Variants in AFAP1 observed in about 807,000 individuals in gnomAD.
The protein encoded by AFAP1 is actin filament associated protein 1.
A neutral mutation model predicts 93.9 loss-of-function variants in AFAP1; 75 were observed. That is an observed-to-expected ratio of 0.80 (90% CI 0.66 to 0.97). The LOEUF is 0.97. Among genes scored for constraint, AFAP1 ranks in the 50% least tolerant of loss-of-function variants. AFAP1 has a pLI of 0.00. For synonymous variants in AFAP1, 517 were observed against 430.7 expected (o/e 1.20, Z -2.48); for missense variants, 1,201 against 1,050.8 (o/e 1.14, Z -1.98).
rs1342965714 is a variant in AFAP1 at position 7,939,046 on chromosome 4, G to A, written c.-3+610C>T. ...GGACCCCCATTACACTCGCGTCCCAGGCGGGGTCGACCCAGACGAGCCACG... is the reference window on the plus strand; with the variant it reads ...GGACCCCCATTACACTCGCGTCCCAAGCGGGGTCGACCCAGACGAGCCACG... On this transcript the variant is annotated intron_variant, in intron 1 of 17. Transcript: ENST00000420658. The surrounding 1 kb of genome is among the most constrained non-coding windows in gnomAD (Gnocchi z 5.6). The A allele has an allele frequency of 6.4e-6, 1 of 155,108 alleles. No individual in the cohort carries two copies. The highest frequency in any genetic ancestry group is 2.4e-5 in the African/African-American group (1 of 41,434). The allele number at this position is 155,108 out of a possible 1,614,324, so 9.6% of individuals were successfully genotyped here.
intron 3 of AFAP1, among the ~76,000 whole-genome samples, chr4:7,858,239 G>T (rs1255501330): frequency 6.6e-6 from 1 of 152,174 alleles, no homozygotes; most frequent in Non-Finnish European, 1.5e-5. Flanking sequence ...GAGGCAGAAG[G>T]TCATTCACCA....
At chr4:7,833,691 CA>C (rs1460697854) in intron 6 of AFAP1, among the ~76,000 whole-genome samples, 1 of 150,364 alleles carries the variant, frequency 6.7e-6, no homozygotes, top group African/African-American at 2.5e-5. Context: ...CAGGTTCAAG[CA>C]ATTCTCCTGC....
intron 1 of AFAP1, among the ~76,000 whole-genome samples, chr4:7,891,917 G>A (rs1577338970): frequency 1.3e-5 from 2 of 152,138 alleles, no homozygotes; most frequent in African/African-American, 4.8e-5. Context: ...AGCTGGGTGT[G>A]GTGGTAGGCA....
At chr4:7,872,466 G>C (rs1006508591) in intron 1 of AFAP1, among the ~76,000 whole-genome samples, 1 of 152,254 alleles carries the variant, frequency 6.6e-6, no homozygotes, top group Non-Finnish European at 1.5e-5. Context: ...GTAGGGCATG[G>C]TTTCAGAAAC....
At chr4:7,920,259 C>T (rs1180519143) in intron 1 of AFAP1, among the ~76,000 whole-genome samples, 1 of 152,180 alleles carries the variant, frequency 6.6e-6, no homozygotes, top group Admixed American at 6.5e-5. Context: ...TTCCCACCAA[C>T]AGTATTTGAA....
chr4:7,872,643 G>C (rs946806817), intron 1 of AFAP1, among the ~76,000 whole-genome samples: 1 of 152,140 alleles, frequency 6.6e-6, no homozygotes, highest in South Asian at 2.1e-4. Context: ...TGGTAGACTT[G>C]ACTTTTCCTC....
At chr4:7,890,147 C>A (rs1282589065) in intron 1 of AFAP1, among the ~76,000 whole-genome samples, 1 of 151,966 alleles carries the variant, frequency 6.6e-6, no homozygotes, top group African/African-American at 2.4e-5. Flanking sequence ...TCAAGGCTTA[C>A]AATAAAGCTA....
intron 1 of AFAP1, among the ~76,000 whole-genome samples, chr4:7,894,577 T>A (rs1009887390): frequency 1.3e-5 from 2 of 152,104 alleles, no homozygotes; most frequent in African/African-American, 4.8e-5. Context: ...CATGCTCCTT[T>A]CAGAATGCAG....
At chr4:7,923,000 A>C (rs1348264739) in intron 1 of AFAP1, among the ~76,000 whole-genome samples, 1 of 152,200 alleles carries the variant, frequency 6.6e-6, no homozygotes, top group East Asian at 1.9e-4. Context: ...TCTCAAAAAT[A>C]AAATAAAATG....
chr4:7,759,886 C>T lies in AFAP1; in HGVS notation c.*3879G>A, dbSNP rs528897293. ...CTCTGGATGGCAGTCGCCGGCCACACTGCAGGCTGCCCATCCTTGGATGGT... is the reference window on the plus strand; with the variant it reads ...CTCTGGATGGCAGTCGCCGGCCACATTGCAGGCTGCCCATCCTTGGATGGT... On this transcript the variant is annotated 3_prime_UTR_variant, in exon 18 of 18. Transcript: ENST00000420658. 1.8e-4 allele frequency: 27 copies of T among 152,426 alleles called. No individual in the cohort carries two copies. Among genetic ancestry groups the T allele is most frequent in the Non-Finnish European group, 2.9e-5 (2 of 68,054 alleles). The allele number at this position is 152,426 out of a possible 1,614,324, so 9.4% of individuals were successfully genotyped here.
At chr4:7,783,417 G>A (rs1325111551) in intron 12 of AFAP1, among the ~76,000 whole-genome samples, 1 of 152,210 alleles carries the variant, frequency 6.6e-6, no homozygotes, top group Non-Finnish European at 1.5e-5. Context: ...TGGGATTACA[G>A]GCCTGAGCCA....
chr4:7,821,464 C>A lies in AFAP1; in HGVS notation c.727-2293G>T, dbSNP rs1314488919. Among the ~76,000 whole-genome samples, 5 of 152,290 alleles carry A rather than the reference C, an allele frequency of 3.3e-5. No individual in the cohort carries two copies. The South Asian group carries it at 8.3e-4, about 25-fold the overall frequency. On this transcript the variant is annotated intron_variant, in intron 6 of 17. Coordinates refer to ENST00000420658, the MANE Select transcript of AFAP1 (RefSeq NM_001134647.2). ...TGCACGAGGGCTTTCCCAGCCGCCC[C>A]CTACATGCAGTCACCACATGTTTCT...
intron 9 of AFAP1, among the ~76,000 whole-genome samples, chr4:7,804,654 C>A (rs1238560051): frequency 2.0e-5 from 3 of 152,126 alleles, no homozygotes; most frequent in Admixed American, 6.5e-5. Flanking sequence ...GCAGGCAGAG[C>A]CTTTTAGAAG....
chr4:7,795,644 C>G (rs990316077), intron 10 of AFAP1, among the ~76,000 whole-genome samples: 1 of 151,830 alleles, frequency 6.6e-6, no homozygotes, highest in Non-Finnish European at 1.5e-5. Flanking sequence ...CCAGGATGGT[C>G]TCGATCTCCT....
At chr4:7,937,984 A>G (rs893977489) in intron 1 of AFAP1, among the ~76,000 whole-genome samples, 1 of 152,216 alleles carries the variant, frequency 6.6e-6, no homozygotes, top group Non-Finnish European at 1.5e-5. Context: ...CCTCTATCAG[A>G]GCATTTTTCA....
At chr4:7,821,219 G>A (rs1482406277) in intron 6 of AFAP1, among the ~76,000 whole-genome samples, 5 of 152,204 alleles carry the variant, frequency 3.3e-5, no homozygotes, top group Non-Finnish European at 7.3e-5. Flanking sequence ...GAGGGAATAA[G>A]TGTGAAGATT....
Position 7,762,083 on chromosome 4 carries a change from C to T in AFAP1, c.*1682G>A, listed in dbSNP as rs1713885037. 1 of 152,244 alleles carries T rather than the reference C, an allele frequency of 6.6e-6. No individual in the cohort carries two copies. Among genetic ancestry groups the T allele is most frequent in the Non-Finnish European group, 1.5e-5 (1 of 68,048 alleles). The allele number at this position is 152,244 out of a possible 1,614,324, so 9.4% of individuals were successfully genotyped here. A position where few individuals can be genotyped will look rare whatever the true frequency, so the allele number is the denominator to read the frequency against. On this transcript the variant is annotated 3_prime_UTR_variant, in exon 18 of 18. Coordinates refer to ENST00000420658, the MANE Select transcript of AFAP1 (RefSeq NM_001134647.2). ...AAGTTCAGGTGGACTCAAGCAGCTT[C>T]CAATTCGTGTTGTAAAACTTTTTCT... is the stretch of plus-strand genomic sequence containing the variant.
At chr4:7,885,157 T>C (rs1718074985) in intron 1 of AFAP1, among the ~76,000 whole-genome samples, 1 of 152,216 alleles carries the variant, frequency 6.6e-6, no homozygotes, top group South Asian at 2.1e-4. Flanking sequence ...TACACTCTTC[T>C]CAGTGACTTC....
chr4:7,889,118 T>C (rs1023032981), intron 1 of AFAP1, among the ~76,000 whole-genome samples: 3 of 152,138 alleles, frequency 2.0e-5, no homozygotes, highest in Non-Finnish European at 4.4e-5. Context: ...CAAATTAAAT[T>C]AAATAATATC....
Sources: gnomAD v4.1 joint callset for allele counts (sites outside exome capture counted in the v4.1 genomes callset) on GRCh38, gnomAD v4.1.1 for gene constraint, Gnocchi (gnomAD v3.1) non-coding constraint, MANE v1.5 for transcripts, NCBI Gene and HGNC (gene_info 2026-07-23, HGNC 2026-07-21) for gene names.